Variants in CIBAR2 observed in about 807,000 individuals in gnomAD.
CIBAR2 encodes CBY1-interacting BAR domain-containing protein 2.
In CIBAR2, 38 loss-of-function variants were observed where a neutral mutation model predicts 36.2. That is an observed-to-expected ratio of 1.05 (90% CI 0.81 to 1.38). The LOEUF (loss-of-function observed/expected upper bound fraction) is 1.38, where lower values mean the gene tolerates loss of function less well. Ranked by LOEUF, CIBAR2 falls within the 40% of genes most tolerant of loss-of-function variation. The probability of loss-of-function intolerance (pLI) is 0.00; values close to 1 mark genes in which losing one functional copy is unlikely to be tolerated. For synonymous variants in CIBAR2, 182 were observed against 149.5 expected (o/e 1.22, Z -1.58); for missense variants, 481 against 383.4 (o/e 1.25, Z -2.13).
At chr16:85,103,158 C>T (rs2073968899) in intron 6 of CIBAR2, among the ~76,000 whole-genome samples, 1 of 152,272 alleles carries the variant, frequency 6.6e-6, no homozygotes, top group South Asian at 2.1e-4. Context: ...AGGAGGGCTC[C>T]ACTTTCATGA....
intron 6 of CIBAR2, among the ~76,000 whole-genome samples, chr16:85,103,269 C>G (rs1281589256): frequency 6.6e-6 from 1 of 152,172 alleles, no homozygotes; most frequent in Non-Finnish European, 1.5e-5. Flanking sequence ...AACAGGCCCT[C>G]CTCGGATGCT....
intron 6 of CIBAR2, among the ~76,000 whole-genome samples, chr16:85,103,556 G>A (rs1387083870): frequency 2.0e-5 from 3 of 152,192 alleles, no homozygotes; most frequent in African/African-American, 7.2e-5. Flanking sequence ...CCCCTGACCT[G>A]GAGAACCGTG....
chr16:85,099,240 G>A lies in CIBAR2; in HGVS notation c.860C>T (p.Ala287Val). The A allele has an allele frequency of 1.2e-6, 2 of 1,611,790 alleles. No individual in the cohort carries two copies. The highest frequency in any genetic ancestry group is 1.7e-6 in the Non-Finnish European group (2 of 1,178,998). The change falls in exon 9 of 9, where the codon GCC becomes GTC. Residue 287 changes from alanine (A) to valine (V), a missense_variant. Coordinates refer to ENST00000539556, the MANE Select transcript of CIBAR2 (RefSeq NM_198491.3). ...CCCACCCTGCCCACACACACAGTGG[G>A]CTGGCTGCCCCTTAACCACCCACTC... ...LCEWVVKGQP[A>V]HCVCGQGGHL...
At chr16:85,104,024 A>G (rs1163593961) in intron 6 of CIBAR2, among the ~76,000 whole-genome samples, 1 of 152,262 alleles carries the variant, frequency 6.6e-6, no homozygotes, top group Non-Finnish European at 1.5e-5. Context: ...GGCACGCAGT[A>G]GGTGTGCATT....
chr16:85,107,737 C>T (rs927092241), intron 4 of CIBAR2, 65 bp from the exon 5 acceptor site: 2 of 1,603,120 alleles, frequency 1.2e-6, no homozygotes, highest in Non-Finnish European at 1.7e-6. Flanking sequence ...GGTCCGCCCC[C>T]TTCACAGCCC....
In CIBAR2 at chr16:85,108,905, A is replaced by T. The variant is rs145038650; in HGVS notation, c.256-806T>A. On this transcript the variant is annotated intron_variant, in intron 2 of 8. Transcript: ENST00000539556. The stretch of plus-strand genomic sequence containing the variant: ...ACAAAAAACAACAAAAAACTAAAGC[A>T]GCCTCTTGCCAATTTTACAATCGGG... 2.0e-5 allele frequency among the ~76,000 whole-genome samples: 3 copies of T among 152,218 alleles called. No individual in the cohort carries two copies. In the East Asian group the frequency reaches 5.8e-4, roughly 29 times the overall value.
Position 85,098,718 on chromosome 16 carries a change from G to A in CIBAR2, c.*467C>T, listed in dbSNP as rs1296812737. On this transcript the variant is annotated 3_prime_UTR_variant, in exon 9 of 9. Coordinates refer to ENST00000539556, the MANE Select transcript of CIBAR2 (RefSeq NM_198491.3). ...TAATAATAAAACGACAGCAACATCA[G>A]TAATGATAATGGCAGCAACAAGTCT... is the stretch of plus-strand genomic sequence containing the variant. The A allele has an allele frequency of 2.5e-6, 2 of 788,886 alleles. No homozygotes were observed. Among genetic ancestry groups the A allele is most frequent in the African/African-American group, 3.8e-5 (2 of 53,298 alleles). The allele number at this position is 788,886 out of a possible 1,614,324, so 48.9% of individuals were successfully genotyped here.
chr16:85,101,732 C>T (rs1480287204), intron 7 of CIBAR2, among the ~76,000 whole-genome samples: 2 of 151,488 alleles, frequency 1.3e-5, no homozygotes, highest in Non-Finnish European at 2.9e-5. Flanking sequence ...TGCAGTGGCA[C>T]GATCTCGGCT....
chr16:85,100,887 A>C (rs1281265919), intron 7 of CIBAR2, among the ~76,000 whole-genome samples: 1 of 152,154 alleles, frequency 6.6e-6, no homozygotes, highest in African/African-American at 2.4e-5. Context: ...CTCTACTAAA[A>C]ATACATAACA....
At chr16:85,111,839 G>C (rs1373721417) in intron 1 of CIBAR2, among the ~76,000 whole-genome samples, 3 of 152,240 alleles carry the variant, frequency 2.0e-5, no homozygotes, top group Non-Finnish European at 4.4e-5. Flanking sequence ...TACAGAGTGA[G>C]AGTCCATCTC....
chr16:85,110,601 T>C, intron 1 of CIBAR2, 141 bp from the exon 2 acceptor site: 4 of 594,510 alleles, frequency 6.7e-6, no homozygotes, highest in Non-Finnish European at 1.2e-5. Context: ...AGGCTGTCAC[T>C]CAAGGTGGCA....
intron 1 of CIBAR2, among the ~76,000 whole-genome samples, chr16:85,111,761 T>C (rs2074044466): frequency 6.6e-6 from 1 of 152,222 alleles, no homozygotes; most frequent in Admixed American, 6.5e-5. Flanking sequence ...TGAGAATCGC[T>C]TGAGCCCAGG....
At chr16:85,107,159 G>GT (rs2074002673) in intron 5 of CIBAR2, among the ~76,000 whole-genome samples, 1 of 151,922 alleles carries the variant, frequency 6.6e-6, no homozygotes. Flanking sequence ...AAAAAAAAGG[G>GT]GGGGGGCACT....
chr16:85,105,465 A>G (rs1400339929), intron 5 of CIBAR2, 34 bp from the exon 6 acceptor site: 13 of 1,515,640 alleles, frequency 8.6e-6, no homozygotes, highest in South Asian at 1.1e-5. Context: ...AGAAAGTGTC[A>G]TGGGGGTGCT....
rs199942591 is a variant in CIBAR2, at chr16:85,107,637, G to A, written c.432+30C>T. On this transcript the variant is annotated intron_variant, in intron 5 of 8. Transcript: ENST00000539556. The stretch of plus-strand genomic sequence containing the variant: ...TCGTGTATTTCCTACGTGTGATTCT[G>A]CCTGCCCCAGACAGACATGTGACAC... 197 of 1,612,336 alleles carry A rather than the reference G, an allele frequency of 1.2e-4. No individual in the cohort carries two copies. The African/African-American group carries it at 2.2e-3, about 18-fold the overall frequency.
In CIBAR2 at chr16:85,107,914, G is replaced by A. The variant is rs1435879155; in HGVS notation, c.358C>T (p.His120Tyr). ...EIKKFKHVQNHEIKQLEKLEK... is the reference protein window; with the variant it reads ...EIKKFKHVQNYEIKQLEKLEK... The stretch of plus-strand genomic sequence containing the variant: ...AGTTTTTCCAGTTGTTTGATCTCAT[G>A]ATTTTGGACATGTTTGAATTTCTTG... Residue 120 changes from histidine to tyrosine, a missense_variant, in exon 4 of 9, where the codon CAT (histidine) becomes TAT (tyrosine). His to Tyr is a moderately conservative substitution (Grantham distance 83). Transcript: ENST00000539556. 1 of 1,614,176 alleles carries A rather than the reference G, an allele frequency of 6.2e-7. No homozygotes were observed. Among genetic ancestry groups the A allele is most frequent in the South Asian group, 1.1e-5 (1 of 91,086 alleles).
At position 85,108,066 on chromosome 16, in the gene CIBAR2, G is replaced by A. The variant is rs1225344776; in HGVS notation, c.289C>T (p.Leu97=). Residue 97 remains leucine (L), a synonymous_variant, in exon 3 of 9, where the codon CTG becomes TTG. Transcript: ENST00000539556. ...TTGATCTGTGCCCCGTAGAGCTTCAGGGGGTTGACCACCTTGGTCTCCAGC... is the reference window on the plus strand; with the variant it reads ...TTGATCTGTGCCCCGTAGAGCTTCAAGGGGTTGACCACCTTGGTCTCCAGC... ...ERLETKVVNP[L]KLYGAQIKQT... The A allele has an allele frequency of 6.2e-7, 1 of 1,613,090 alleles. No homozygotes were observed. Among genetic ancestry groups the A allele is most frequent in the Non-Finnish European group, 8.5e-7 (1 of 1,179,494 alleles).
Position 85,100,251 on chromosome 16 carries a change from G to C in CIBAR2, c.652-11C>G. 2 of 1,591,582 alleles carry C rather than the reference G, an allele frequency of 1.3e-6. No homozygotes were observed. The highest frequency in any genetic ancestry group is 1.1e-5 in the South Asian group (1 of 87,868). ...CTTGGCTCTAAAATCCTGCCGGGGA[G>C]AGACCAGGGTGGGTGGGATCCGATG... On this transcript the variant is annotated splice_polypyrimidine_tract_variant and intron_variant, in intron 7 of 8. Coordinates refer to ENST00000539556, the MANE Select transcript of CIBAR2 (RefSeq NM_198491.3).
At chr16:85,111,308 G>A (rs574110115) in intron 1 of CIBAR2, among the ~76,000 whole-genome samples, 2 of 152,130 alleles carry the variant, frequency 1.3e-5, no homozygotes, top group South Asian at 2.1e-4. Context: ...CACATGCACC[G>A]CCCTATAAGC....
Sources: gnomAD v4.1 joint callset for allele counts (sites outside exome capture counted in the v4.1 genomes callset) on GRCh38, gnomAD v4.1.1 for gene constraint, MANE v1.5 for transcripts, NCBI Gene and HGNC (gene_info 2026-07-23, HGNC 2026-07-21) for gene names.